Variants in HIBADH observed in about 807,000 individuals in gnomAD.
HIBADH encodes 3-hydroxyisobutyrate dehydrogenase, mitochondrial.
A neutral mutation model predicts 36.1 loss-of-function variants in HIBADH; 25 were observed. The observed-to-expected ratio is 0.69, with a 90% CI of 0.50 to 0.97. The LOEUF (loss-of-function observed/expected upper bound fraction) is 0.97, where lower values mean the gene tolerates loss of function less well. Ranked by LOEUF, HIBADH falls within the 50% of genes least tolerant of loss-of-function variation. The probability of loss-of-function intolerance (pLI) is 0.00; values close to 1 mark genes in which losing one functional copy is unlikely to be tolerated. For synonymous variants in HIBADH, 160 were observed against 149.5 expected (o/e 1.07, Z -0.51); for missense variants, 421 against 418.0 (o/e 1.01, Z -0.06).
Position 27,526,102 on chromosome 7 carries a change from T to C in HIBADH, c.*112A>G. The C allele has an allele frequency of 1.1e-6, 1 of 872,438 alleles. No homozygotes were observed. Among genetic ancestry groups the C allele is most frequent in the East Asian group, 3.0e-5 (1 of 32,948 alleles). 54.0% of individuals were successfully genotyped at this position (872,438 alleles called of 1,614,324 possible). On this transcript the variant is annotated 3_prime_UTR_variant, in exon 8 of 8. Coordinates refer to ENST00000265395, the MANE Select transcript of HIBADH (RefSeq NM_152740.4). The stretch of plus-strand genomic sequence containing the variant: ...CTAGGGATTACTGTGACCTAGACAA[T>C]CAAAAGCAGATAGGTGACCTTTGAT...
Position 27,645,924 on chromosome 7 carries a change from G to A in HIBADH, c.252+3549C>T, listed in dbSNP as rs554006427. On this transcript the variant is annotated intron_variant, in intron 2 of 7. Coordinates refer to ENST00000265395, the MANE Select transcript of HIBADH (RefSeq NM_152740.4). The stretch of plus-strand genomic sequence containing the variant: ...TGAATTGTTTTTCACTTTATTGATG[G>A]TGTTCTCTGGAGCACAAGTTTTTAA... 3.9e-5 allele frequency among the ~76,000 whole-genome samples: 6 copies of A among 152,122 alleles called. No homozygotes were observed. In the East Asian group the frequency reaches 1.2e-3, roughly 29 times the overall value.
chr7:27,638,862 G>C (rs1045226772), intron 2 of HIBADH, among the ~76,000 whole-genome samples: 2 of 152,186 alleles, frequency 1.3e-5, no homozygotes, highest in African/African-American at 2.4e-5. Context: ...CTAATCATTA[G>C]TGAAATGCAA....
At chr7:27,591,327 G>A (rs1403827309) in intron 4 of HIBADH, among the ~76,000 whole-genome samples, 3 of 152,108 alleles carry the variant, frequency 2.0e-5, no homozygotes, top group Admixed American at 6.6e-5. Context: ...CAAGGCAGGC[G>A]GATCACGAGG....
chr7:27,559,080 T>C (rs542282271), intron 4 of HIBADH, among the ~76,000 whole-genome samples: 69 of 152,328 alleles, frequency 4.5e-4, no homozygotes, highest in African/African-American at 1.6e-3. Flanking sequence ...ATTTTCTCTT[T>C]GGTTTGTGGA....
chr7:27,655,921 A>G (rs762006751), intron 1 of HIBADH, among the ~76,000 whole-genome samples: 14 of 152,174 alleles, frequency 9.2e-5, no homozygotes, highest in Non-Finnish European at 1.5e-4. Flanking sequence ...GTCAAATTGT[A>G]TATTAGGTCG....
chr7:27,590,830 C>A (rs1032830272), intron 4 of HIBADH, among the ~76,000 whole-genome samples: 2 of 152,100 alleles, frequency 1.3e-5, no homozygotes, highest in Admixed American at 1.3e-4. Flanking sequence ...TTTCTTATAC[C>A]ATTTAAGAAG....
intron 6 of HIBADH, among the ~76,000 whole-genome samples, chr7:27,536,035 G>C (rs1488629378): frequency 6.6e-6 from 1 of 152,084 alleles, no homozygotes; most frequent in African/African-American, 2.4e-5. Flanking sequence ...ACACCATTTT[G>C]ATGCTATACT....
Position 27,662,855 on chromosome 7 carries a change from T to A in HIBADH, c.-67A>T, listed in dbSNP as rs1425919679. ...CCGGAGGGCCCACAGACTGCGAGCGTGTGCAGCGGGACTGGCTGGCTCGCC... is the reference window on the plus strand; with the variant it reads ...CCGGAGGGCCCACAGACTGCGAGCGAGTGCAGCGGGACTGGCTGGCTCGCC... On this transcript the variant is annotated 5_prime_UTR_variant, in exon 1 of 8. Transcript: ENST00000265395. The A allele has an allele frequency of 4.7e-6, 6 of 1,264,054 alleles. No homozygotes were observed. Among genetic ancestry groups the A allele is most frequent in the East Asian group, 6.3e-5 (2 of 31,856 alleles). The allele number at this position is 1,264,054 out of a possible 1,614,324, so 78.3% of individuals were successfully genotyped here. A position where few individuals can be genotyped will look rare whatever the true frequency, so the allele number is the denominator to read the frequency against.
chr7:27,592,083 C>T (rs1784948487), intron 4 of HIBADH, among the ~76,000 whole-genome samples: 1 of 152,194 alleles, frequency 6.6e-6, no homozygotes, highest in African/African-American at 2.4e-5. Flanking sequence ...CTGAAAACAG[C>T]CTTCCCCTTC....
At chr7:27,585,246 C>CATATATACACACGTGTGT (rs1554297443) in intron 4 of HIBADH, among the ~76,000 whole-genome samples, 1 of 132,756 alleles carries the variant, frequency 7.5e-6, no homozygotes, top group Non-Finnish European at 1.6e-5. Flanking sequence ...CACACGTGTG[C>CATATATACACACGTGTGT]ATATATACAC....
At chr7:27,552,694 A>G (rs1186501448) in intron 4 of HIBADH, among the ~76,000 whole-genome samples, 4 of 152,362 alleles carry the variant, frequency 2.6e-5, no homozygotes, top group Non-Finnish European at 4.4e-5. Flanking sequence ...CAGAAACTGT[A>G]TTTCACAAGT....
At chr7:27,590,807 A>G (rs1215296250) in intron 4 of HIBADH, among the ~76,000 whole-genome samples, 1 of 152,226 alleles carries the variant, frequency 6.6e-6, no homozygotes, top group Non-Finnish European at 1.5e-5. Flanking sequence ...AATCATTTGA[A>G]TTAGAAAAGC....
chr7:27,571,356 G>A (rs904987029), intron 4 of HIBADH, among the ~76,000 whole-genome samples: 1 of 152,062 alleles, frequency 6.6e-6, no homozygotes, highest in Admixed American at 6.6e-5. Context: ...CCGAGTAGCT[G>A]GGATTACAGG....
chr7:27,586,336 AAAAGAAAG>A (rs1211224111), intron 4 of HIBADH, among the ~76,000 whole-genome samples: 11 of 142,358 alleles, frequency 7.7e-5, no homozygotes, highest in African/African-American at 2.7e-4. Context: ...AATGTGGAAA[AAAAGAAAG>A]AGAGAAAGAG....
rs572713424 is a variant in HIBADH at position 27,541,591 on chromosome 7, T to C, written c.618+1376A>G. The C allele has an allele frequency of 1.3e-3, 331 of 256,180 alleles. 2 individuals carry two copies. Among genetic ancestry groups the C allele is most frequent in the South Asian group, 4.2e-3 (109 of 26,162 alleles). The allele number at this position is 256,180 out of a possible 1,614,324, so 15.9% of individuals were successfully genotyped here. A position where few individuals can be genotyped will look rare whatever the true frequency, so the allele number is the denominator to read the frequency against. Reference sequence around the variant, plus strand: ...TACATTGGATTTGTTTATCTTGAAATGGAGGGCAAACGCAGCCGCAGACCT... The same window carrying C: ...TACATTGGATTTGTTTATCTTGAAACGGAGGGCAAACGCAGCCGCAGACCT... On this transcript the variant is annotated intron_variant, in intron 5 of 7. Coordinates refer to ENST00000265395, the MANE Select transcript of HIBADH (RefSeq NM_152740.4).
chr7:27,619,391 C>G (rs1785497253), intron 4 of HIBADH, among the ~76,000 whole-genome samples: 1 of 152,180 alleles, frequency 6.6e-6, no homozygotes, highest in Non-Finnish European at 1.5e-5. Flanking sequence ...CATGAGGACA[C>G]AGGAAACATG....
At chr7:27,533,101 A>G (rs1206064059) in intron 6 of HIBADH, among the ~76,000 whole-genome samples, 1 of 152,136 alleles carries the variant, frequency 6.6e-6, no homozygotes, top group Non-Finnish European at 1.5e-5. Context: ...ATCTTTTAAG[A>G]TGGTTCATCA....
At chr7:27,646,987 C>G (rs1234871635) in intron 2 of HIBADH, among the ~76,000 whole-genome samples, 1 of 152,140 alleles carries the variant, frequency 6.6e-6, no homozygotes, top group Non-Finnish European at 1.5e-5. Flanking sequence ...CAAGACACTG[C>G]GCCCAGCCAG....
At chr7:27,642,686 C>G (rs1013754738) in intron 2 of HIBADH, among the ~76,000 whole-genome samples, 43 of 143,594 alleles carry the variant, frequency 3.0e-4, no homozygotes, top group Non-Finnish European at 5.6e-4. Flanking sequence ...GAGTCTCGCT[C>G]TGTCGCCCAG....
Sources: gnomAD v4.1 joint callset for allele counts (sites outside exome capture counted in the v4.1 genomes callset) on GRCh38, gnomAD v4.1.1 for gene constraint, MANE v1.5 for transcripts, NCBI Gene and HGNC (gene_info 2026-07-23, HGNC 2026-07-21) for gene names.